Variants in ARID5B observed in about 807,000 individuals in gnomAD.
ARID5B encodes AT-rich interaction domain 5B, also known as AT-rich interactive domain-containing protein 5B.
A neutral mutation model predicts 97.2 loss-of-function variants in ARID5B; 13 were observed. That is an observed-to-expected ratio of 0.13 (90% CI 0.09 to 0.21). ARID5B has a LOEUF of 0.21. Among genes scored for constraint, ARID5B ranks in the 10% least tolerant of loss-of-function variants. The pLI is 1.00. For synonymous variants in ARID5B, 556 were observed against 570.3 expected, an observed-to-expected ratio of 0.97 and a Z score of 0.36; for missense variants, 1,210 against 1,465.3, an observed-to-expected ratio of 0.83 and a Z score of 2.84.
intron 7 of ARID5B, among the ~76,000 whole-genome samples, chr10:62,067,230 A>G (rs1165672653): frequency 2.0e-5 from 3 of 152,128 alleles, no homozygotes; most frequent in Non-Finnish European, 4.4e-5. Flanking sequence ...GATTACAGGC[A>G]TGCGCCACCA....
chr10:62,082,248 T>C (rs1472294723), intron 8 of ARID5B, among the ~76,000 whole-genome samples: 1 of 152,220 alleles, frequency 6.6e-6, no homozygotes, highest in Non-Finnish European at 1.5e-5. Flanking sequence ...AATCGCATCG[T>C]AAATAAGCAT....
Position 62,057,494 on chromosome 10 carries a change from A to G in ARID5B, c.1048+176A>G, listed in dbSNP as rs10465962. ...AATTTTTTCCCTGCCTTTTTCCGCT[A>G]CATTGTTCCCTTCTGGGACAGTTGC... On this transcript the variant is annotated intron_variant, in intron 6 of 9. Transcript: ENST00000279873. Among the ~76,000 whole-genome samples the G allele has an allele frequency of 9.1e-3, 1,380 of 152,274 alleles. 25 individuals carry two copies. Among genetic ancestry groups the G allele is most frequent in the African/African-American group, 0.032 (1,312 of 41,530 alleles).
chr10:61,902,481 G>A (rs1014707123), intron 2 of ARID5B, 68 bp downstream of exon 2: 17 of 1,570,586 alleles, frequency 1.1e-5, no homozygotes, highest in Non-Finnish European at 1.5e-5. Flanking sequence ...TTATTACAGG[G>A]CAAGCTTGAA....
intron 2 of ARID5B, among the ~76,000 whole-genome samples, chr10:61,913,022 T>C (rs1843836498): frequency 6.6e-6 from 1 of 152,254 alleles, no homozygotes; most frequent in Non-Finnish European, 1.5e-5. Context: ...CATTCCTTTG[T>C]CCTCAGACTT....
intron 9 of ARID5B, among the ~76,000 whole-genome samples, chr10:62,086,180 C>G (rs1449164857): frequency 6.6e-6 from 1 of 152,226 alleles, no homozygotes; most frequent in African/African-American, 2.4e-5. Flanking sequence ...AGCAAATGCT[C>G]AGGCTTCAAG....
At chr10:61,979,393 G>A (rs1437513213) in intron 3 of ARID5B, among the ~76,000 whole-genome samples, 3 of 152,118 alleles carry the variant, frequency 2.0e-5, no homozygotes, top group Admixed American at 1.3e-4. Context: ...CGTGTTCCTG[G>A]TGAGCCATGT....
At chr10:61,960,005 CCTTT>C in intron 3 of ARID5B, among the ~76,000 whole-genome samples, 1 of 152,134 alleles carries the variant, frequency 6.6e-6, no homozygotes, top group Non-Finnish European at 1.5e-5. Context: ...TGGATGATTT[CCTTT>C]AAGAACACAG....
At chr10:62,020,060 T>C (rs921630915) in intron 4 of ARID5B, among the ~76,000 whole-genome samples, 4 of 152,104 alleles carry the variant, frequency 2.6e-5, no homozygotes, top group Admixed American at 1.3e-4. Context: ...ACCCTAACTT[T>C]CTGGCGAGGA....
intron 4 of ARID5B, among the ~76,000 whole-genome samples, chr10:62,021,247 A>G (rs1019200046): frequency 2.6e-5 from 4 of 151,992 alleles, no homozygotes; most frequent in African/African-American, 9.7e-5. Flanking sequence ...TGCACATGCT[A>G]TACCATTTAA....
At chr10:62,005,094 T>C (rs1787896428) in intron 4 of ARID5B, among the ~76,000 whole-genome samples, 1 of 152,260 alleles carries the variant, frequency 6.6e-6, no homozygotes, top group African/African-American at 2.4e-5. Context: ...ATCAGCTGTT[T>C]GGTCCATGTG....
At chr10:62,043,040 C>A (rs376381656) in intron 4 of ARID5B, among the ~76,000 whole-genome samples, 4 of 152,062 alleles carry the variant, frequency 2.6e-5, no homozygotes, top group Admixed American at 1.3e-4. Context: ...CCCCATTATC[C>A]CAAAGATGCA....
chr10:61,910,229 A>G (rs1219684941), intron 2 of ARID5B, among the ~76,000 whole-genome samples: 3 of 152,244 alleles, frequency 2.0e-5, no homozygotes, highest in South Asian at 4.1e-4. Flanking sequence ...TTAATAAAGC[A>G]TGCCATTGTT....
At chr10:61,975,537 A>G (rs1260348353) in intron 3 of ARID5B, among the ~76,000 whole-genome samples, 2 of 151,708 alleles carry the variant, frequency 1.3e-5, no homozygotes, top group East Asian at 1.9e-4. Context: ...CAAGTCACTG[A>G]GTCTCCGATC....
chr10:61,953,877 A>G (rs1838356452), intron 3 of ARID5B, among the ~76,000 whole-genome samples: 1 of 152,140 alleles, frequency 6.6e-6, no homozygotes, highest in South Asian at 2.1e-4. Flanking sequence ...TTACTCAAGA[A>G]AGCAAAGTGA....
intron 5 of ARID5B, among the ~76,000 whole-genome samples, chr10:62,053,830 C>A (rs1199290756): frequency 6.6e-6 from 1 of 152,188 alleles, no homozygotes; most frequent in Non-Finnish European, 1.5e-5. Flanking sequence ...GTGATACTTT[C>A]ATTATTTTCA....
At chr10:62,035,189 ATAGCC>A (rs1839546534) in intron 4 of ARID5B, among the ~76,000 whole-genome samples, 1 of 152,224 alleles carries the variant, frequency 6.6e-6, no homozygotes, top group East Asian at 1.9e-4. Context: ...ACCATCAAGG[ATAGCC>A]TAGCCACCTG....
At chr10:62,037,100 C>A (rs7907712) in intron 4 of ARID5B, among the ~76,000 whole-genome samples, 1 of 152,166 alleles carries the variant, frequency 6.6e-6, no homozygotes, top group Admixed American at 6.5e-5. Flanking sequence ...AATCTAGACT[C>A]TAATTTTTTA....
At chr10:62,068,997 A>C (rs777116185) in intron 7 of ARID5B, among the ~76,000 whole-genome samples, 1 of 152,246 alleles carries the variant, frequency 6.6e-6, no homozygotes, top group Non-Finnish European at 1.5e-5. Flanking sequence ...TAGTTTTCAT[A>C]TGATTTGATC....
At position 62,090,669 on chromosome 10, in the gene ARID5B, C is replaced by T. The variant is rs116195182; in HGVS notation, c.1399-193C>T. On this transcript the variant is annotated intron_variant, in intron 9 of 9. Transcript: ENST00000279873. Reference sequence around the variant, plus strand: ...GACTGAAGCGAATATGCATATTTCCCCTAATGTTTCTGTAATTTAGATTTC... The same window carrying T: ...GACTGAAGCGAATATGCATATTTCCTCTAATGTTTCTGTAATTTAGATTTC... Among the ~76,000 whole-genome samples the T allele has an allele frequency of 3.2e-3, 494 of 152,220 alleles. 3 individuals carry two copies. The highest frequency in any genetic ancestry group is 0.011 in the African/African-American group (463 of 41,526).
Sources: allele counts gnomAD v4.1 joint callset (sites outside exome capture counted in the v4.1 genomes callset), GRCh38; gene constraint gnomAD v4.1.1; transcripts MANE v1.5; gene names NCBI Gene and HGNC (gene_info 2026-07-23, HGNC 2026-07-21).